The following MNAT1 variants were observed in gnomAD, a reference collection of about 807,000 sequenced individuals.
The protein encoded by MNAT1 is CDK-activating kinase assembly factor MAT1.
In MNAT1, 43 loss-of-function variants were observed where a neutral mutation model predicts 42.0. That is an observed-to-expected ratio of 1.02 (90% CI 0.80 to 1.32). The LOEUF (loss-of-function observed/expected upper bound fraction) is 1.32, where lower values mean the gene tolerates loss of function less well. Ranked by LOEUF, MNAT1 falls within the 40% of genes most tolerant of loss-of-function variation. The probability of loss-of-function intolerance (pLI) is 0.00; values close to 1 mark genes in which losing one functional copy is unlikely to be tolerated. For missense variants in MNAT1, 306 were observed against 350.4 expected, an observed-to-expected ratio of 0.87 and a Z score of 1.01; for synonymous variants, 118 against 120.0, an observed-to-expected ratio of 0.98 and a Z score of 0.11.
chr14:60,904,997 C>T (rs978653555), intron 7 of MNAT1, among the ~76,000 whole-genome samples: 3 of 3,068 alleles, frequency 9.8e-4, no homozygotes, highest in East Asian at 8.1e-3. Flanking sequence ...TTTTTTTGGA[C>T]GGAGTCTCGC....
chr14:60,914,556 TA>T (rs11418104), intron 7 of MNAT1, among the ~76,000 whole-genome samples: 8 of 150,222 alleles, frequency 5.3e-5, no homozygotes, highest in Admixed American at 2.0e-4. Context: ...ACAGATATGG[TA>T]AAAAAAAAAA....
chr14:60,789,932 T>C (rs372890400), intron 1 of MNAT1, among the ~76,000 whole-genome samples: 6 of 152,266 alleles, frequency 3.9e-5, no homozygotes, highest in African/African-American at 1.4e-4. Flanking sequence ...GCTTTTGTAA[T>C]AGAGTTACTT....
At chr14:60,799,850 A>G (rs573565972) in intron 3 of MNAT1, among the ~76,000 whole-genome samples, 5 of 152,262 alleles carry the variant, frequency 3.3e-5, no homozygotes, top group South Asian at 2.1e-4. Context: ...TATTGGGGGT[A>G]TACAACATGT....
chr14:60,796,178 C>T, intron 1 of MNAT1, 39 bp from the exon 2 acceptor site: 1 of 1,574,736 alleles, frequency 6.4e-7, no homozygotes, highest in Non-Finnish European at 8.6e-7. Context: ...TAGATTTGAA[C>T]ATTGGCTTAA....
At chr14:60,897,066 T>G (rs181668643) in intron 7 of MNAT1, among the ~76,000 whole-genome samples, 9 of 152,298 alleles carry the variant, frequency 5.9e-5, no homozygotes, top group Non-Finnish European at 1.0e-4. Context: ...CATGATTTTT[T>G]GTAAATTTTG....
At chr14:60,822,539 T>C (rs923785064) in intron 6 of MNAT1, among the ~76,000 whole-genome samples, 1 of 151,842 alleles carries the variant, frequency 6.6e-6, no homozygotes, top group Admixed American at 6.6e-5. Flanking sequence ...CATCCTCCTA[T>C]TGCAGCCTCC....
At chr14:60,900,150 G>C (rs528262017) in intron 7 of MNAT1, among the ~76,000 whole-genome samples, 88 of 151,518 alleles carry the variant, frequency 5.8e-4, no homozygotes, top group Middle Eastern at 3.4e-3. Flanking sequence ...TAACCCTGCA[G>C]AGGGTTCTGT....
intron 7 of MNAT1, among the ~76,000 whole-genome samples, chr14:60,886,207 T>C (rs2034665947): frequency 6.6e-6 from 1 of 152,088 alleles, no homozygotes; most frequent in Non-Finnish European, 1.5e-5. Context: ...TTCTTCCTTT[T>C]CAAGGCTGTT....
At chr14:60,862,148 T>A (rs1444884884) in intron 6 of MNAT1, among the ~76,000 whole-genome samples, 2 of 152,318 alleles carry the variant, frequency 1.3e-5, no homozygotes, top group African/African-American at 4.8e-5. Flanking sequence ...TACTAATTAT[T>A]TTATTACTTT....
At chr14:60,838,443 T>C (rs2033456330) in intron 6 of MNAT1, among the ~76,000 whole-genome samples, 1 of 152,228 alleles carries the variant, frequency 6.6e-6, no homozygotes, top group Non-Finnish European at 1.5e-5. Flanking sequence ...TGATTTTTTT[T>C]TCCTATTAGT....
intron 7 of MNAT1, among the ~76,000 whole-genome samples, chr14:60,887,169 ATT>A (rs542891464): frequency 6.7e-6 from 1 of 148,566 alleles, no homozygotes; most frequent in African/African-American, 2.5e-5. Context: ...ATTGATTTGC[ATT>A]TTTTTTGTTG....
At chr14:60,751,718 A>G (rs1043199518) in intron 1 of MNAT1, among the ~76,000 whole-genome samples, 1 of 152,028 alleles carries the variant, frequency 6.6e-6, no homozygotes, top group East Asian at 1.9e-4. Flanking sequence ...TTTATCAGAA[A>G]TGTTTGGAGT....
At chr14:60,925,404 G>GTA (rs1265632401) in intron 7 of MNAT1, among the ~76,000 whole-genome samples, 1 of 152,166 alleles carries the variant, frequency 6.6e-6, no homozygotes, top group Admixed American at 6.6e-5. Context: ...AGGGATGACT[G>GTA]TATATGGAAA....
At chr14:60,829,475 G>A (rs1440301359) in intron 6 of MNAT1, among the ~76,000 whole-genome samples, 2 of 152,072 alleles carry the variant, frequency 1.3e-5, no homozygotes, top group African/African-American at 4.8e-5. Flanking sequence ...TGAGTTTTAT[G>A]TAATATTCTT....
chr14:60,816,686 A>G (rs1472369527), intron 5 of MNAT1, among the ~76,000 whole-genome samples: 3 of 152,098 alleles, frequency 2.0e-5, no homozygotes, highest in Admixed American at 2.0e-4. Context: ...TCTGCATGTT[A>G]GATATTCCCC....
In MNAT1 at chr14:60,900,048, ATCTCTCTC is replaced by A. The variant is rs61149455; in HGVS notation, c.809+20241_809+20248del. Among the ~76,000 whole-genome samples the A allele has an allele frequency of 2.2e-4, 30 of 136,408 alleles. No individual in the cohort carries two copies. The South Asian group carries it at 4.6e-3, about 21-fold the overall frequency. 89.5% of individuals were successfully genotyped at this position (136,408 alleles called of 152,430 possible). On this transcript the variant is annotated intron_variant, in intron 7 of 7. Transcript: ENST00000261245. ...TGTTCTTCTGACTGGCTGTTTCCCC[ATCTCTCTC>A]TCTCTCTCTCTCTCTCTCTCTCTCT...
intron 7 of MNAT1, among the ~76,000 whole-genome samples, chr14:60,882,258 A>C (rs2034567617): frequency 6.6e-6 from 1 of 151,932 alleles, no homozygotes; most frequent in Non-Finnish European, 1.5e-5. Flanking sequence ...TACCCTTCAC[A>C]ACCTCTGGTG....
At chr14:60,812,185 A>G in intron 5 of MNAT1, 58 bp downstream of exon 5, 2 of 1,443,184 alleles carry the variant, frequency 1.4e-6, no homozygotes, top group Non-Finnish European at 9.2e-7. Flanking sequence ...TACCTTTCCT[A>G]GTAGGCTGGA....
chr14:60,840,498 G>A (rs540681191), intron 6 of MNAT1, among the ~76,000 whole-genome samples: 1 of 152,330 alleles, frequency 6.6e-6, no homozygotes, highest in South Asian at 2.1e-4. Flanking sequence ...GTCATTGGCT[G>A]GAAGCAGCCC....
Sources: gnomAD v4.1 joint callset for allele counts (sites outside exome capture counted in the v4.1 genomes callset) on GRCh38, gnomAD v4.1.1 for gene constraint, MANE v1.5 for transcripts, NCBI Gene and HGNC (gene_info 2026-07-23, HGNC 2026-07-21) for gene names.